Variants in SH3TC2 observed in about 807,000 individuals in gnomAD.
SH3TC2 encodes the protein SH3 domain and tetratricopeptide repeat-containing protein 2.
In SH3TC2, 87 loss-of-function variants were observed where a neutral mutation model predicts 124.5. The ratio of observed to expected loss-of-function variants is 0.70; its 90% CI spans 0.59 to 0.84. The LOEUF is 0.84. SH3TC2 is among the 40% of genes least tolerant of loss of function. The probability of loss-of-function intolerance (pLI) is 0.00; values close to 1 mark genes in which losing one functional copy is unlikely to be tolerated. For synonymous variants in SH3TC2, 634 were observed against 628.5 expected, an observed-to-expected ratio of 1.01 and a Z score of -0.13; for missense variants, 1,536 against 1,566.4, an observed-to-expected ratio of 0.98 and a Z score of 0.33.
rs1753588036 is a variant in SH3TC2, at chr5:149,000,990, AC to A, written c.*3720del. 6.6e-6 allele frequency among the ~76,000 whole-genome samples: 1 copy of A among 152,134 alleles called. No homozygotes were observed. On this transcript the variant is annotated 3_prime_UTR_variant, in exon 17 of 17. Coordinates refer to ENST00000515425, the MANE Select transcript of SH3TC2 (RefSeq NM_024577.4). ...ATCTGAGATGTGTAGAGGTTAAGTG[AC>A]TTGCCCAAGGTCGCACTGCAATTTA...
chr5:148,999,209 T>C lies in SH3TC2; in HGVS notation c.*5502A>G, dbSNP rs185125339. On this transcript the variant is annotated 3_prime_UTR_variant, in exon 17 of 17. Transcript: ENST00000515425. ...TCCCTGAATGCAGGACCAGGGTGCC[T>C]GGCCACACCTCCAGGTTTGGCTGCA... is the stretch of plus-strand genomic sequence containing the variant. Among the ~76,000 whole-genome samples the C allele has an allele frequency of 3.9e-5, 6 of 152,350 alleles. No individual in the cohort carries two copies. The East Asian group carries it at 1.2e-3, about 29-fold the overall frequency.
Position 148,988,495 on chromosome 5 carries a change from T to C in SH3TC2, c.*16216A>G, listed in dbSNP as rs1254911488. On this transcript the variant is annotated 3_prime_UTR_variant, in exon 17 of 17. Transcript: ENST00000515425. ...CTCCCCGTTTAATCTCCTGGAATGC[T>C]AGCTCTTGGAATGCACTCTCTTGGA... is the stretch of plus-strand genomic sequence containing the variant. Among the ~76,000 whole-genome samples, 3 of 152,228 alleles carry C rather than the reference T, an allele frequency of 2.0e-5. No individual in the cohort carries two copies. The highest frequency in any genetic ancestry group is 4.4e-5 in the Non-Finnish European group (3 of 68,034).
intron 12 of SH3TC2, among the ~76,000 whole-genome samples, chr5:149,024,379 A>C (rs1004308500): frequency 3.3e-5 from 5 of 152,172 alleles, no homozygotes; most frequent in African/African-American, 1.2e-4. Flanking sequence ...TTCTGAACAT[A>C]CTACAAAGTC....
At position 148,982,289 on chromosome 5, in the gene SH3TC2, G is replaced by A. The variant is rs57729148; in HGVS notation, c.*22422C>T. 6.6e-6 allele frequency among the ~76,000 whole-genome samples: 1 copy of A among 152,298 alleles called. No homozygotes were observed. The highest frequency in any genetic ancestry group is 1.9e-4 in the East Asian group (1 of 5,186). ...TGAGGAAAAAGGCACTCTCCGCATTGTAGGAGAATACATTGACAAGAGCAT... is the reference window on the plus strand; with the variant it reads ...TGAGGAAAAAGGCACTCTCCGCATTATAGGAGAATACATTGACAAGAGCAT... On this transcript the variant is annotated 3_prime_UTR_variant, in exon 17 of 17. Coordinates refer to ENST00000515425, the MANE Select transcript of SH3TC2 (RefSeq NM_024577.4).
intron 12 of SH3TC2, chr5:149,026,242 T>C: frequency 3.0e-6 from 1 of 329,952 alleles, no homozygotes; most frequent in Non-Finnish European, 5.7e-6. Flanking sequence ...AACAGTGGCA[T>C]TACTGAGACC....
chr5:149,055,203 A>C (rs753670510), intron 1 of SH3TC2, among the ~76,000 whole-genome samples: 1 of 152,186 alleles, frequency 6.6e-6, no homozygotes, highest in African/African-American at 2.4e-5. Flanking sequence ...AACTTCTATT[A>C]ATCAAAAGAT....
intron 14 of SH3TC2, 152 bp downstream of exon 14, chr5:149,010,118 A>G: frequency 3.9e-6 from 4 of 1,030,972 alleles, no homozygotes; most frequent in Non-Finnish European, 5.9e-6. Flanking sequence ...ACTAGGTTGA[A>G]GAGAGAGTGA....
rs910949786 is a variant in SH3TC2, at chr5:148,998,507, G to A, written c.*6204C>T. Among the ~76,000 whole-genome samples, 1 of 152,186 alleles carries A rather than the reference G, an allele frequency of 6.6e-6. No individual in the cohort carries two copies. The highest frequency in any genetic ancestry group is 1.9e-4 in the East Asian group (1 of 5,198). On this transcript the variant is annotated 3_prime_UTR_variant, in exon 17 of 17. Coordinates refer to ENST00000515425, the MANE Select transcript of SH3TC2 (RefSeq NM_024577.4). ...GCCTCATCCCTCAAGCTAGTGTGAT[G>A]CCCTGGATAAGGAGTCAAAGGCAGC...
At chr5:149,040,503 A>G in intron 7 of SH3TC2, 101 bp downstream of exon 7, 1 of 1,093,278 alleles carries the variant, frequency 9.1e-7, no homozygotes, top group Non-Finnish European at 1.4e-6. Flanking sequence ...AGCAGAGACG[A>G]GACAAAAATT....
At position 148,990,090 on chromosome 5, in the gene SH3TC2, C is replaced by A. The variant is rs17795097; in HGVS notation, c.*14621G>T. On this transcript the variant is annotated 3_prime_UTR_variant, in exon 17 of 17. Transcript: ENST00000515425. ...TTCCCTGCTTTCTCTCATGGGTGAA[C>A]CATCCTGGGGAAACTGAGATAGCCC... Among the ~76,000 whole-genome samples, 25,421 of 151,856 alleles carry A rather than the reference C, an allele frequency of 0.17. 2,464 individuals are homozygous for A. Among genetic ancestry groups the A allele is most frequent in the East Asian group, 0.24 (1,241 of 5,128 alleles).
Position 149,027,182 on chromosome 5 carries a change from G to A in SH3TC2, c.2550C>T (p.Gly850=), listed in dbSNP as rs781202020. Reference sequence around the variant, plus strand: ...AGCTCTTGGCTGCCCTGTTCACCCGGCCTTCACCTTGGAGTGCAAGTCCCA... The same window carrying A: ...AGCTCTTGGCTGCCCTGTTCACCCGACCTTCACCTTGGAGTGCAAGTCCCA... ...NLLGLALQGE[G]RVNRAAKSYL... Residue 850 remains glycine (G), a synonymous_variant, in exon 11 of 17, where the codon GGC becomes GGT. Coordinates refer to ENST00000515425, the MANE Select transcript of SH3TC2 (RefSeq NM_024577.4). The A allele has an allele frequency of 1.9e-6, 3 of 1,614,182 alleles. No individual in the cohort carries two copies. Among genetic ancestry groups the A allele is most frequent in the Middle Eastern group, 1.6e-4 (1 of 6,062 alleles).
At chr5:149,026,429 T>C in intron 12 of SH3TC2, 143 bp downstream of exon 12, 1 of 919,464 alleles carries the variant, frequency 1.1e-6, no homozygotes, top group Non-Finnish European at 1.7e-6. Context: ...ATGGATGCAT[T>C]GTGGTGGCTG....
intron 12 of SH3TC2, among the ~76,000 whole-genome samples, chr5:149,013,060 AG>A (rs1753811212): frequency 1.3e-5 from 2 of 152,042 alleles, no homozygotes; most frequent in Non-Finnish European, 2.9e-5. Flanking sequence ...GAATGTTTAA[AG>A]ATCACTTATA....
intron 2 of SH3TC2, among the ~76,000 whole-genome samples, chr5:149,049,854 C>G (rs1331316120): frequency 1.3e-5 from 2 of 152,096 alleles, no homozygotes; most frequent in East Asian, 3.9e-4. Flanking sequence ...TGGTATGTAT[C>G]AAAGATTCAG....
chr5:149,024,957 G>T (rs1754039153), intron 12 of SH3TC2, among the ~76,000 whole-genome samples: 1 of 152,192 alleles, frequency 6.6e-6, no homozygotes, highest in Non-Finnish European at 1.5e-5. Flanking sequence ...GAATATTTAA[G>T]ACTGAGCTTG....
intron 12 of SH3TC2, among the ~76,000 whole-genome samples, chr5:149,016,991 T>G (rs981874211): frequency 6.6e-6 from 1 of 151,750 alleles, no homozygotes; most frequent in Non-Finnish European, 1.5e-5. Context: ...TGTATTCACA[T>G]GCAAAGAATT....
At position 148,982,895 on chromosome 5, in the gene SH3TC2, A is replaced by G. The variant is rs1753273167; in HGVS notation, c.*21816T>C. Among the ~76,000 whole-genome samples the G allele has an allele frequency of 6.6e-6, 1 of 152,242 alleles. No homozygotes were observed. The highest frequency in any genetic ancestry group is 2.4e-5 in the African/African-American group (1 of 41,468). On this transcript the variant is annotated 3_prime_UTR_variant, in exon 17 of 17. Transcript: ENST00000515425. Reference sequence around the variant, plus strand: ...AAATGAGCTGTTTTAACACCAGTGGACCTTGTGAAAGATAACTTTAGGAGA... The same window carrying G: ...AAATGAGCTGTTTTAACACCAGTGGGCCTTGTGAAAGATAACTTTAGGAGA...
Position 149,012,611 on chromosome 5 carries a change from T to C in SH3TC2, c.3177A>G (p.Glu1059=), listed in dbSNP as rs766282582. 9.2e-5 allele frequency: 149 copies of C among 1,614,044 alleles called. No individual in the cohort carries two copies. The highest frequency in any genetic ancestry group is 1.1e-4 in the Non-Finnish European group (131 of 1,180,032). Reference sequence around the variant, plus strand: ...GCAGGCACAGCTCCACCAGCTCGTCTTCCTGCATGAGGTAGTGGAGTCGCC... The same window carrying C: ...GCAGGCACAGCTCCACCAGCTCGTCCTCCTGCATGAGGTAGTGGAGTCGCC... ...GAGRLHYLMQ[E]DELVELCLQA... Residue 1059 remains glutamate (E), a synonymous_variant, in exon 13 of 17, where the codon GAA becomes GAG. Transcript: ENST00000515425.
Position 149,042,817 on chromosome 5 carries a change from C to G in SH3TC2, c.406G>C (p.Glu136Gln). The G allele has an allele frequency of 6.2e-7, 1 of 1,614,130 alleles. No individual in the cohort carries two copies. The highest frequency in any genetic ancestry group is 8.5e-7 in the Non-Finnish European group (1 of 1,180,018). The change falls in exon 5 of 17, where the codon GAA becomes CAA. Residue 136 changes from glutamate to glutamine, a missense_variant. Coordinates refer to ENST00000515425, the MANE Select transcript of SH3TC2 (RefSeq NM_024577.4). ...LNLGYVSMCL[E>Q]HLLFDHKYWL... is the part of the protein sequence containing the mutation. ...TACTTGTGGTCAAAGAGGAGATGTTCTAGACACATGGATACGTAGCCTAAG... is the reference window on the plus strand; with the variant it reads ...TACTTGTGGTCAAAGAGGAGATGTTGTAGACACATGGATACGTAGCCTAAG...
Sources: gnomAD v4.1 joint callset for allele counts (sites outside exome capture counted in the v4.1 genomes callset) on GRCh38, gnomAD v4.1.1 for gene constraint, MANE v1.5 for transcripts, NCBI Gene and HGNC (gene_info 2026-07-23, HGNC 2026-07-21) for gene names.